Variants in PCDHA4 observed in about 807,000 individuals in gnomAD.
PCDHA4 encodes protocadherin alpha-4.
PCDHA4 carries 49 observed loss-of-function variants against 61.4 expected under a neutral mutation model. The observed-to-expected ratio is 0.80, with a 90% confidence interval of 0.63 to 1.01. PCDHA4 has a LOEUF of 1.01. Ranked by LOEUF, PCDHA4 falls within the 50% of genes least tolerant of loss-of-function variation. The pLI is 0.00. For missense variants in PCDHA4, 1,254 were observed against 1,235.8 expected (o/e 1.01, Z -0.22); for synonymous variants, 590 against 550.3 (o/e 1.07, Z -1.01).
At position 140,822,392 on chromosome 5, in the gene PCDHA4, A is replaced by G. The variant is rs17844288; in HGVS notation, c.2385+12820A>G. 2.5e-6 allele frequency: 4 copies of G among 1,614,134 alleles called. No homozygotes were observed. In the East Asian group the frequency reaches 8.9e-5, roughly 36 times the overall value. ...TCCTTAGATAGAGAAGAAACACAAGAACACCGTTTATTAGTGATTGCAACT... is the reference window on the plus strand; with the variant it reads ...TCCTTAGATAGAGAAGAAACACAAGGACACCGTTTATTAGTGATTGCAACT... On this transcript the variant is annotated intron_variant, in intron 1 of 3. Coordinates refer to ENST00000530339, the MANE Select transcript of PCDHA4 (RefSeq NM_018907.4).
chr5:140,958,867 T>A (rs1312043891), intron 1 of PCDHA4, among the ~76,000 whole-genome samples: 1 of 152,146 alleles, frequency 6.6e-6, no homozygotes, highest in Admixed American at 6.5e-5. Context: ...ACTGGGTTTA[T>A]AAAAGAATTG....
intron 1 of PCDHA4, chr5:140,870,454 G>A (rs782508076): frequency 6.2e-7 from 1 of 1,614,236 alleles, no homozygotes; most frequent in African/African-American, 1.3e-5. Flanking sequence ...GAACGACAAT[G>A]CGCCTGCGTT....
At chr5:140,975,003 A>G (rs1170426656) in intron 1 of PCDHA4, among the ~76,000 whole-genome samples, 3 of 152,152 alleles carry the variant, frequency 2.0e-5, no homozygotes, top group Non-Finnish European at 4.4e-5. Flanking sequence ...CAAGGCTGAA[A>G]TGAACACAGC....
chr5:140,850,216 A>C lies in PCDHA4; in HGVS notation c.2385+40644A>C. 5 of 1,593,446 alleles carry C rather than the reference A, an allele frequency of 3.1e-6. No individual in the cohort carries two copies. The East Asian group carries it at 1.1e-4, about 36-fold the overall frequency. ...CTGACACCTCGGATGAGGGGCACTG[A>C]CGGCGCAGTGAGCGAGATGGTGCTG... On this transcript the variant is annotated intron_variant, in intron 1 of 3. Transcript: ENST00000530339.
chr5:140,878,406 T>A (rs1198360264), intron 1 of PCDHA4, among the ~76,000 whole-genome samples: 2 of 152,254 alleles, frequency 1.3e-5, no homozygotes, highest in Non-Finnish European at 2.9e-5. Flanking sequence ...CAAAATATCT[T>A]CTTTATTTCA....
At chr5:140,865,051 T>A (rs1228832316) in intron 1 of PCDHA4, 1 of 151,882 alleles carries the variant, frequency 6.6e-6, no homozygotes, top group Admixed American at 6.6e-5. Flanking sequence ...AATGTCATTG[T>A]TTTTAATAAC....
intron 1 of PCDHA4, among the ~76,000 whole-genome samples, chr5:140,894,634 T>C (rs1412183022): frequency 1.3e-5 from 2 of 151,970 alleles, no homozygotes; most frequent in Non-Finnish European, 2.9e-5. Flanking sequence ...TCCAATCATA[T>C]CATTACTGAG....
intron 1 of PCDHA4, among the ~76,000 whole-genome samples, chr5:140,908,256 A>T (rs192899359): frequency 6.6e-6 from 1 of 152,130 alleles, no homozygotes; most frequent in Non-Finnish European, 1.5e-5. Context: ...AACTGATCAT[A>T]GGGAACTCCC....
chr5:140,862,975 G>A (rs2047690621), intron 1 of PCDHA4: 2 of 544,994 alleles, frequency 3.7e-6, no homozygotes, highest in Middle Eastern at 3.0e-4. Context: ...CAGGCCACTT[G>A]GTGGCGAAGG....
intron 1 of PCDHA4, among the ~76,000 whole-genome samples, chr5:140,894,932 A>G (rs2064735231): frequency 6.6e-6 from 1 of 152,184 alleles, no homozygotes; most frequent in Non-Finnish European, 1.5e-5. Flanking sequence ...ATTTCTATTC[A>G]GCTATTGTCA....
chr5:140,928,106 G>GGGA lies in PCDHA4; in HGVS notation c.2386-50841_2386-50839dup, dbSNP rs2084940814. The stretch of plus-strand genomic sequence containing the variant: ...CTGCTGATTGATGGGCCCCTGGACC[G>GGGA]GGAGCAGATCAGTGAATACCAAGTC... On this transcript the variant is annotated intron_variant, in intron 1 of 3. Coordinates refer to ENST00000530339, the MANE Select transcript of PCDHA4 (RefSeq NM_018907.4). The GGGA allele has an allele frequency of 1.9e-6, 3 of 1,614,032 alleles. No individual in the cohort carries two copies. In the South Asian group the frequency reaches 3.3e-5, roughly 18 times the overall value.
rs2150341132 is a variant in PCDHA4, at chr5:140,842,649, T to C, written c.2385+33077T>C. The C allele has an allele frequency of 5.7e-5, 91 of 1,595,206 alleles. 10 individuals are homozygous for C. The Admixed American group carries it at 1.5e-3, about 27-fold the overall frequency. On this transcript the variant is annotated intron_variant, in intron 1 of 3. Transcript: ENST00000530339. ...CTGTGGGCCACCGCCAGCTTGTCTG[T>C]GGAGGTGGCCGACGTGAACGACAAT... is the stretch of plus-strand genomic sequence containing the variant.
At chr5:140,978,910 T>C in intron 1 of PCDHA4, 39 bp from the exon 2 acceptor site, 1 of 1,613,896 alleles carries the variant, frequency 6.2e-7, no homozygotes, top group Non-Finnish European at 8.5e-7. Context: ...GAACATTGTC[T>C]TGTCATTTTA....
chr5:140,886,730 G>A (rs2061105749), intron 1 of PCDHA4, among the ~76,000 whole-genome samples: 1 of 150,962 alleles, frequency 6.6e-6, no homozygotes, highest in Non-Finnish European at 1.5e-5. Flanking sequence ...GGAGGCTGAA[G>A]CAAGAGAATT....
At chr5:140,920,718 C>A (rs183020461) in intron 1 of PCDHA4, among the ~76,000 whole-genome samples, 3 of 152,168 alleles carry the variant, frequency 2.0e-5, no homozygotes, top group East Asian at 3.9e-4. Context: ...GTGGTGTGCG[C>A]CTGCAGTCCC....
At chr5:140,904,314 T>C (rs1554191432) in intron 1 of PCDHA4, among the ~76,000 whole-genome samples, 1 of 152,080 alleles carries the variant, frequency 6.6e-6, no homozygotes, top group Admixed American at 6.6e-5. Flanking sequence ...TTTCTTCACT[T>C]AGAATAATGG....
intron 3 of PCDHA4, among the ~76,000 whole-genome samples, chr5:140,991,686 A>G (rs2097465682): frequency 6.6e-6 from 1 of 152,196 alleles, no homozygotes; most frequent in Non-Finnish European, 1.5e-5. Context: ...AGTCCTCTCT[A>G]GTAGAGCCAT....
At chr5:141,003,510 A>C (rs1468305070) in intron 3 of PCDHA4, among the ~76,000 whole-genome samples, 1 of 152,070 alleles carries the variant, frequency 6.6e-6, no homozygotes, top group African/African-American at 2.4e-5. Context: ...ATGGGGTTTC[A>C]CCATGTTCCC....
Position 140,881,345 on chromosome 5 carries a change from T to A in PCDHA4, c.2385+71773T>A, listed in dbSNP as rs2058675594. The A allele has an allele frequency of 4.1e-6, 4 of 985,136 alleles. No individual in the cohort carries two copies. In the African/African-American group the frequency reaches 7.0e-5, roughly 17 times the overall value. The allele number at this position is 985,136 out of a possible 1,614,324, so 61.0% of individuals were successfully genotyped here. A position where few individuals can be genotyped will look rare whatever the true frequency, so the allele number is the denominator to read the frequency against. On this transcript the variant is annotated intron_variant, in intron 1 of 3. Transcript: ENST00000530339. ...ATTTAACCAGGACGCCGATTCGGGC[T>A]ACAATGCGTGGCTTTCGTATGAATT... is the stretch of plus-strand genomic sequence containing the variant.
Sources: gnomAD v4.1 joint callset for allele counts (sites outside exome capture counted in the v4.1 genomes callset) on GRCh38, gnomAD v4.1.1 for gene constraint, MANE v1.5 for transcripts, NCBI Gene and HGNC (gene_info 2026-07-23, HGNC 2026-07-21) for gene names.